Variants in EFR3A observed in about 807,000 individuals in gnomAD.
EFR3A encodes the protein EFR3 homolog A.
EFR3A carries 76 observed loss-of-function variants against 104.4 expected under a neutral mutation model. That is an observed-to-expected ratio of 0.73 (90% CI 0.60 to 0.88). The LOEUF is 0.88. EFR3A is among the 40% of genes least tolerant of loss of function. The probability of loss-of-function intolerance (pLI) is 0.00; values close to 1 mark genes in which losing one functional copy is unlikely to be tolerated. For synonymous variants in EFR3A, 330 were observed against 330.0 expected (o/e 1.00, Z 0.00); for missense variants, 985 against 1,012.5 (o/e 0.97, Z 0.37).
intron 8 of EFR3A, among the ~76,000 whole-genome samples, chr8:131,966,621 A>T (rs1410072716): frequency 6.6e-6 from 1 of 152,146 alleles, no homozygotes; most frequent in Non-Finnish European, 1.5e-5. Flanking sequence ...GATGAGAGAA[A>T]CTGAGTTACA....
chr8:131,943,971 CA>C (rs1818297856), intron 2 of EFR3A, among the ~76,000 whole-genome samples: 1 of 152,080 alleles, frequency 6.6e-6, no homozygotes, highest in African/African-American at 2.4e-5. Context: ...ACTAGGGAAA[CA>C]GCAAAATAGC....
intron 1 of EFR3A, among the ~76,000 whole-genome samples, chr8:131,904,874 C>T (rs1248896613): frequency 6.6e-6 from 1 of 152,198 alleles, no homozygotes; most frequent in Non-Finnish European, 1.5e-5. Context: ...GACCACACTT[C>T]GGATTCACCC....
In EFR3A at chr8:131,976,046, A is replaced by G. The variant is rs755983845; in HGVS notation, c.1179A>G (p.Leu393=). 1.2e-6 allele frequency: 2 copies of G among 1,602,776 alleles called. No individual in the cohort carries two copies. The highest frequency in any genetic ancestry group is 1.7e-5 in the Admixed American group (1 of 58,930). ...TCATAGGATTTTTTGGAAGTAACCT[A>G]CCAGATTATCAGAGGTCAGAAATCA... ...IQTIGFFGSN[L]PDYQRSEIMM... Residue 393 remains leucine (L), a synonymous_variant, in exon 11 of 23, where the codon CTA becomes CTG. Coordinates refer to ENST00000254624, the MANE Select transcript of EFR3A (RefSeq NM_015137.6).
At chr8:131,933,518 A>G (rs1364643152) in intron 1 of EFR3A, among the ~76,000 whole-genome samples, 1 of 152,154 alleles carries the variant, frequency 6.6e-6, no homozygotes, top group Non-Finnish European at 1.5e-5. Flanking sequence ...TGATGATTCT[A>G]GAAGCTTTTC....
intron 1 of EFR3A, among the ~76,000 whole-genome samples, chr8:131,920,629 G>A (rs1019529869): frequency 3.3e-5 from 5 of 151,918 alleles, no homozygotes; most frequent in Non-Finnish European, 5.9e-5. Context: ...TAATTTTTTG[G>A]CAGCTGCACA....
intron 1 of EFR3A, among the ~76,000 whole-genome samples, chr8:131,913,609 G>C (rs903536492): frequency 1.3e-5 from 2 of 152,084 alleles, no homozygotes; most frequent in South Asian, 4.1e-4. Flanking sequence ...GAGTTATTCA[G>C]CTGTACCTTT....
chr8:131,989,089 G>T (rs1437584061), intron 18 of EFR3A, among the ~76,000 whole-genome samples: 1 of 152,062 alleles, frequency 6.6e-6, no homozygotes, highest in Non-Finnish European at 1.5e-5. Flanking sequence ...ATATTTTAGT[G>T]TCTACTTAAT....
rs372996175 is a variant in EFR3A, at chr8:131,940,541, G to C, written c.53G>C (p.Arg18Pro). 6.2e-7 allele frequency: 1 copy of C among 1,607,518 alleles called. No individual in the cohort carries two copies. The highest frequency in any genetic ancestry group is 1.3e-5 in the African/African-American group (1 of 74,330). ...CCSALRPRYK[R>P]LVDNIFPEDP... ...TCCGCTTTGCGTCCTCGCTACAAAC[G>C]CCTGGTGGACAACATATTCCCTGAA... Residue 18 changes from arginine to proline, a missense_variant, in exon 2 of 23, where the codon CGC becomes CCC. Transcript: ENST00000254624.
At chr8:131,959,765 C>T (rs1029740575) in intron 8 of EFR3A, 102 bp downstream of exon 8, 1 of 681,448 alleles carries the variant, frequency 1.5e-6, no homozygotes, top group Non-Finnish European at 2.4e-6. Context: ...GGATATAAAT[C>T]ATTGCTCTTA....
intron 1 of EFR3A, among the ~76,000 whole-genome samples, chr8:131,911,435 A>G (rs754858556): frequency 3.6e-4 from 55 of 152,208 alleles, no homozygotes; most frequent in Non-Finnish European, 6.5e-4. Context: ...ATCACCAGAG[A>G]AGGAACTTTA....
chr8:131,963,367 A>G (rs1247428879), intron 8 of EFR3A, among the ~76,000 whole-genome samples: 2 of 152,220 alleles, frequency 1.3e-5, no homozygotes, highest in Non-Finnish European at 2.9e-5. Context: ...AAATAGATGC[A>G]ATAAAAAATG....
Position 131,918,976 on chromosome 8 carries a change from A to G in EFR3A, c.10+14654A>G, listed in dbSNP as rs1016727571. Among the ~76,000 whole-genome samples, 5 of 152,314 alleles carry G rather than the reference A, an allele frequency of 3.3e-5. No homozygotes were observed. The East Asian group carries it at 9.6e-4, about 29-fold the overall frequency. On this transcript the variant is annotated intron_variant, in intron 1 of 22. Transcript: ENST00000254624. ...AGAAAGATCCTAGTCATTGCCTGTG[A>G]TAGATTCTTTATGCTCATAATGGTA... is the stretch of plus-strand genomic sequence containing the variant.
In EFR3A at chr8:131,996,801, C is replaced by A. The variant is rs182061531; in HGVS notation, c.2157+304C>A. On this transcript the variant is annotated intron_variant, in intron 19 of 22. Transcript: ENST00000254624. ...AGTATAAGATTTTTTTGCTAAGAAA[C>A]TTTATACAAAGCCTGTCATTAAATT... is the stretch of plus-strand genomic sequence containing the variant. Among the ~76,000 whole-genome samples the A allele has an allele frequency of 2.6e-5, 4 of 152,028 alleles. No homozygotes were observed. The East Asian group carries it at 5.8e-4, about 22-fold the overall frequency.
chr8:131,981,506 T>A (rs532080709), intron 14 of EFR3A, among the ~76,000 whole-genome samples: 3 of 152,218 alleles, frequency 2.0e-5, no homozygotes, highest in African/African-American at 7.2e-5. Flanking sequence ...TTTATTTTTA[T>A]AATTTGACAC....
chr8:131,924,731 GAA>G (rs1817216514), intron 1 of EFR3A, among the ~76,000 whole-genome samples: 1 of 152,100 alleles, frequency 6.6e-6, no homozygotes, highest in Non-Finnish European at 1.5e-5. Context: ...GTCCAACTCA[GAA>G]AAGTCTTTTC....
chr8:131,995,355 A>C (rs1456962256), intron 18 of EFR3A, among the ~76,000 whole-genome samples: 1 of 152,120 alleles, frequency 6.6e-6, no homozygotes, highest in African/African-American at 2.4e-5. Context: ...CTGTACTTTC[A>C]TCACACTTTA....
chr8:131,923,583 G>A (rs2086002152), intron 1 of EFR3A, among the ~76,000 whole-genome samples: 1 of 150,222 alleles, frequency 6.7e-6, no homozygotes, highest in African/African-American at 2.4e-5. Flanking sequence ...GTTATTCTGA[G>A]TCTAGGTTTG....
chr8:131,972,363 C>T (rs1007863333), intron 10 of EFR3A, among the ~76,000 whole-genome samples: 18 of 150,768 alleles, frequency 1.2e-4, no homozygotes, highest in Admixed American at 5.3e-4. Flanking sequence ...AAAGGAGCTG[C>T]GGTTGTTTTT....
rs1820768259 is a variant in EFR3A, at chr8:131,984,298, C to T, written c.1735C>T (p.Gln579Ter). Residue 579 changes from glutamine to a stop codon, truncating the protein, a stop_gained and splice_region_variant, in exon 15 of 23, where the codon CAG becomes TAG. Transcript: ENST00000254624. LOFTEE classifies it high-confidence loss of function. ...IDLIRLAIAL[Q>*]DSAIINEDNL... is the part of the protein sequence containing the mutation. ...TCTCATTCGACTGGCCATTGCTTTACAGGTATGCTTTCATAACCGTTCACT... is the reference window on the plus strand; with the variant it reads ...TCTCATTCGACTGGCCATTGCTTTATAGGTATGCTTTCATAACCGTTCACT... 1.3e-6 allele frequency: 2 copies of T among 1,589,726 alleles called. No homozygotes were observed. The highest frequency in any genetic ancestry group is 1.7e-6 in the Non-Finnish European group (2 of 1,169,794).
Sources: gnomAD v4.1 joint callset for allele counts (sites outside exome capture counted in the v4.1 genomes callset) on GRCh38, gnomAD v4.1.1 for gene constraint, MANE v1.5 for transcripts, NCBI Gene and HGNC (gene_info 2026-07-23, HGNC 2026-07-21) for gene names.